ERCC1: variants seen among roughly 807,000 people sequenced by gnomAD.
ERCC1 encodes DNA excision repair protein ERCC-1.
A neutral mutation model predicts 37.6 loss-of-function variants in ERCC1; 36 were observed. The observed-to-expected ratio is 0.96, with a 90% CI of 0.73 to 1.26. The LOEUF (loss-of-function observed/expected upper bound fraction) is 1.26, where lower values mean the gene tolerates loss of function less well. Ranked by LOEUF, ERCC1 falls within the 50% of genes most tolerant of loss-of-function variation. The pLI, the probability that ERCC1 is intolerant of heterozygous loss-of-function variation, is 0.00. For missense variants in ERCC1, 349 were observed against 376.5 expected (o/e 0.93, Z 0.60); for synonymous variants, 156 against 162.1 (o/e 0.96, Z 0.28).
Position 45,408,806 on chromosome 19 carries a change from G to A in ERCC1, c.*869C>T. 1 of 1,614,024 alleles carries A rather than the reference G, an allele frequency of 6.2e-7. No homozygotes were observed. The highest frequency in any genetic ancestry group is 8.5e-7 in the Non-Finnish European group (1 of 1,180,012). On this transcript the variant is annotated 3_prime_UTR_variant, in exon 10 of 10. Transcript: ENST00000300853. ...GGAACAGATTAACACTGAGCCTCTAGAAGACACAGTCCTGTCCCCGACCAA... is the reference window on the plus strand; with the variant it reads ...GGAACAGATTAACACTGAGCCTCTAAAAGACACAGTCCTGTCCCCGACCAA...
Position 45,423,517 on chromosome 19 carries a change from T to C in ERCC1, c.-7-136A>G, listed in dbSNP as rs3212935. 0.018 allele frequency: 26,205 copies of C among 1,467,520 alleles called. 3,640 individuals are homozygous for C. The African/African-American group carries it at 0.32, about 18-fold the overall frequency. 90.9% of individuals were successfully genotyped at this position (1,467,520 alleles called of 1,614,324 possible). ...GCGTCAGGTCCCCAACACCCAGCGC[T>C]AGAGGCTCTGTAACGCCACGCCCCT... On this transcript the variant is annotated intron_variant, in intron 1 of 9. Transcript: ENST00000300853.
chr19:45,445,156 A>T (rs1354135970), intron 1 of ERCC1, among the ~76,000 whole-genome samples: 1 of 152,160 alleles, frequency 6.6e-6, no homozygotes, highest in East Asian at 1.9e-4. Flanking sequence ...AGCTAGGATT[A>T]CAAGCCTGTG....
rs3212953 is a variant in ERCC1, at chr19:45,420,701, C to T, written c.322-274G>A. ...CACCAGGCCTTTCCTAAAGGGTCCC[C>T]GGGTCTGTCTCCAGCTCAGCCCTCT... On this transcript the variant is annotated intron_variant, in intron 3 of 9. Transcript: ENST00000300853. This position sits in a 1 kb window ranked among gnomAD's most constrained non-coding sequence, Gnocchi z 4.8. 6.6e-6 allele frequency among the ~76,000 whole-genome samples: 1 copy of T among 152,052 alleles called. No individual in the cohort carries two copies. Among genetic ancestry groups the T allele is most frequent in the Admixed American group, 6.6e-5 (1 of 15,252 alleles).
At chr19:45,414,733 C>T (rs1299767973) in intron 7 of ERCC1, 128 bp downstream of exon 7, 4 of 714,554 alleles carry the variant, frequency 5.6e-6, no homozygotes, top group Admixed American at 2.0e-5. Context: ...GCTGCAGTTT[C>T]GGTGGGATGG....
chr19:45,427,367 T>C (rs530422990), upstream of ERCC1, among the ~76,000 whole-genome samples: 4 of 151,988 alleles, frequency 2.6e-5, no homozygotes, highest in Non-Finnish European at 5.9e-5. Flanking sequence ...CTCGGCACTT[T>C]GGGAGGCCGA....
rs904201727 is a variant in ERCC1, at chr19:45,450,562, G to C, written c.-7-27181C>G. ...AGGCGGGTGGATCAACTGAGTTCAGGAGTTCGAGACCAGACTGACTAACAT... is the reference window on the plus strand; with the variant it reads ...AGGCGGGTGGATCAACTGAGTTCAGCAGTTCGAGACCAGACTGACTAACAT... On this transcript the variant is annotated intron_variant, in intron 1 of 8. Coordinates refer to the ERCC1 transcript ENST00000423698. 6 of 152,512 alleles carry C rather than the reference G, an allele frequency of 3.9e-5. No individual in the cohort carries two copies. In the East Asian group the frequency reaches 1.2e-3, roughly 29 times the overall value. The allele number at this position is 152,512 out of a possible 1,614,324, so 9.4% of individuals were successfully genotyped here.
At chr19:45,448,709 A>T (rs528326620) in intron 1 of ERCC1, among the ~76,000 whole-genome samples, 9 of 151,914 alleles carry the variant, frequency 5.9e-5, no homozygotes, top group Non-Finnish European at 1.3e-4. Flanking sequence ...TTATTAATTT[A>T]AAAAAAATGC....
intron 1 of ERCC1, among the ~76,000 whole-genome samples, chr19:45,444,030 C>G (rs1975190423): frequency 6.7e-6 from 1 of 149,014 alleles, no homozygotes; most frequent in Non-Finnish European, 1.5e-5. Context: ...CCCCTCTTCC[C>G]ACCCCCTCAA....
chr19:45,429,498 G>T (rs921375668), intron 1 of ERCC1, among the ~76,000 whole-genome samples: 1 of 152,048 alleles, frequency 6.6e-6, no homozygotes, highest in African/African-American at 2.4e-5. Flanking sequence ...AATAAAGACA[G>T]AATGGAGGAC....
At chr19:45,417,657 C>A (rs903040395) in intron 5 of ERCC1, among the ~76,000 whole-genome samples, 3 of 152,112 alleles carry the variant, frequency 2.0e-5, no homozygotes, top group Admixed American at 2.0e-4. Context: ...TGGAAGGGAG[C>A]AGAACTTTCT....
intron 1 of ERCC1, among the ~76,000 whole-genome samples, chr19:45,430,518 T>C (rs1303257085): frequency 6.6e-6 from 1 of 152,144 alleles, no homozygotes; most frequent in Admixed American, 6.6e-5. Flanking sequence ...TACATACATC[T>C]GGGTCCTGTG....
Position 45,416,846 on chromosome 19 carries a change from C to CAAT in ERCC1, c.576_577insATT (p.Ala192_Asp193insIle). Reference sequence around the variant, plus strand: ...CTCCAGGCGAGGATCAATGTGCAGTCGGCCAGGATACACATCTTAGCCAGC... The same window carrying CAAT: ...CTCCAGGCGAGGATCAATGTGCAGTCAATGGCCAGGATACACATCTTAGCCAGC... On this transcript the variant is annotated inframe_insertion, in exon 6 of 10. Coordinates refer to ENST00000300853, the MANE Select transcript of ERCC1 (RefSeq NM_001983.4). 1 of 1,613,632 alleles carries CAAT rather than the reference C, an allele frequency of 6.2e-7. No individual in the cohort carries two copies. Among genetic ancestry groups the CAAT allele is most frequent in the East Asian group, 2.2e-5 (1 of 44,852 alleles).
chr19:45,449,288 TACA>T (rs1431347539), intron 1 of ERCC1: 1 of 152,214 alleles, frequency 6.6e-6, no homozygotes, highest in African/African-American at 2.4e-5. Context: ...CCTCTAGTAA[TACA>T]ACGACTGCTG....
chr19:45,422,213 G>C (rs1208939570), intron 2 of ERCC1, among the ~76,000 whole-genome samples: 1 of 152,116 alleles, frequency 6.6e-6, no homozygotes. Flanking sequence ...AGCCAAAGCT[G>C]TCACCATCAC....
At chr19:45,412,890 C>T (rs934733869) in intron 9 of ERCC1, among the ~76,000 whole-genome samples, 2 of 152,044 alleles carry the variant, frequency 1.3e-5, no homozygotes, top group Non-Finnish European at 2.9e-5. Flanking sequence ...CAGGCATGTG[C>T]CACCATACCT....
At chr19:45,441,341 G>A (rs1975114398) in intron 1 of ERCC1, among the ~76,000 whole-genome samples, 1 of 152,216 alleles carries the variant, frequency 6.6e-6, no homozygotes, top group South Asian at 2.1e-4. Context: ...CCCTGCAGTG[G>A]GTGGGAGAGA....
chr19:45,418,980 G>T, intron 5 of ERCC1, 118 bp downstream of exon 5: 1 of 753,504 alleles, frequency 1.3e-6, no homozygotes, highest in Non-Finnish European at 2.3e-6. Flanking sequence ...TGTCATCTCA[G>T]ATGTGAAAAA....
intron 6 of ERCC1, among the ~76,000 whole-genome samples, chr19:45,415,401 C>G (rs1361350257): frequency 6.7e-6 from 1 of 150,178 alleles, no homozygotes; most frequent in Non-Finnish European, 1.5e-5. Context: ...CTTTGGGAGG[C>G]TGAGGTGAGC....
chr19:45,421,360 G>C lies in ERCC1; in HGVS notation c.139C>G (p.Pro47Ala), dbSNP rs777467331. Residue 47 changes from proline (P) to alanine (A), a missense_variant, in exon 3 of 10, where the codon CCC (proline) becomes GCC (alanine). Coordinates refer to ENST00000300853, the MANE Select transcript of ERCC1 (RefSeq NM_001983.4). ...KPLFRSTQSL[P>A]TVDTSAQAAP... ...GCCTGGGCCGAGGTGTCCACAGTGGGAAGGCTCTGTGTAGATCGGAATAAG... is the reference window on the plus strand; with the variant it reads ...GCCTGGGCCGAGGTGTCCACAGTGGCAAGGCTCTGTGTAGATCGGAATAAG... 6.2e-7 allele frequency: 1 copy of C among 1,613,830 alleles called. No homozygotes were observed. Among genetic ancestry groups the C allele is most frequent in the South Asian group, 1.1e-5 (1 of 91,062 alleles).
Sources: allele counts gnomAD v4.1 joint callset (sites outside exome capture counted in the v4.1 genomes callset), GRCh38; gene constraint gnomAD v4.1.1; non-coding constraint Gnocchi (gnomAD v3.1); transcripts MANE v1.5; gene names NCBI Gene and HGNC (gene_info 2026-07-23, HGNC 2026-07-21).